Variants in PCDHGA12 observed in about 807,000 individuals in gnomAD.
PCDHGA12 encodes protocadherin gamma-A12.
Under a neutral mutation model 61.1 loss-of-function variants are expected in PCDHGA12, and 43 were observed. That is an observed-to-expected ratio of 0.70 (90% CI 0.55 to 0.91). PCDHGA12 has a LOEUF of 0.91. Ranked by LOEUF, PCDHGA12 falls within the 40% of genes least tolerant of loss-of-function variation. PCDHGA12 has a pLI of 0.00. For synonymous variants in PCDHGA12, 520 were observed against 542.9 expected (o/e 0.96, Z 0.59); for missense variants, 1,236 against 1,227.7 (o/e 1.01, Z -0.10).
chr5:141,452,494 T>C (rs1186924396), intron 1 of PCDHGA12, among the ~76,000 whole-genome samples: 2 of 152,192 alleles, frequency 1.3e-5, no homozygotes, highest in African/African-American at 4.8e-5. Flanking sequence ...CACACCCATA[T>C]TTATATTTGT....
intron 1 of PCDHGA12, among the ~76,000 whole-genome samples, chr5:141,450,832 T>TTATTA (rs764784095): frequency 5.6e-5 from 8 of 142,316 alleles, no homozygotes; most frequent in African/African-American, 2.2e-4. Context: ...TATTATTATT[T>TTATTA]TTTTTTTTTT....
In PCDHGA12 at chr5:141,494,832, G is replaced by A. The variant is rs758427900; in HGVS notation, c.2450G>A (p.Arg817His). The A allele has an allele frequency of 1.2e-6, 2 of 1,614,066 alleles. No homozygotes were observed. Among genetic ancestry groups the A allele is most frequent in the Non-Finnish European group, 1.7e-6 (2 of 1,179,994 alleles). The change falls in exon 2 of 4, where the codon CGT (arginine) becomes CAT (histidine). Residue 817 changes from arginine (R) to histidine (H), a missense_variant. Transcript: ENST00000252085. ...CAAGCCCCGCCCAACACGGACTGGC[G>A]TTTCTCTCAGGCCCAGAGACCCGGC... ...IEQAPPNTDW[R>H]FSQAQRPGTS...
At chr5:141,483,790 AGTT>A (rs963139644) in intron 1 of PCDHGA12, among the ~76,000 whole-genome samples, 14 of 152,290 alleles carry the variant, frequency 9.2e-5, no homozygotes, top group African/African-American at 3.4e-4. Flanking sequence ...TAAGAACTCC[AGTT>A]GTTGCTGCTT....
intron 1 of PCDHGA12, among the ~76,000 whole-genome samples, chr5:141,433,395 CTA>C (rs1426636882): frequency 1.1e-4 from 17 of 150,770 alleles, no homozygotes; most frequent in African/African-American, 4.1e-4. Flanking sequence ...ATCTATCTAT[CTA>C]TCTATCTATT....
intron 1 of PCDHGA12, among the ~76,000 whole-genome samples, chr5:141,470,068 G>A (rs1269966360): frequency 6.6e-6 from 1 of 152,240 alleles, no homozygotes; most frequent in East Asian, 1.9e-4. Flanking sequence ...GGCAGAGACT[G>A]TAGTGATCTG....
chr5:141,511,353 A>C lies in PCDHGA12; in HGVS notation c.*180A>C. ...AGTCAGCACCTACCCCTTCCCCCCC[A>C]GGGGGTTGAATATGCAAAAGCAGTT... On this transcript the variant is annotated 3_prime_UTR_variant, in exon 4 of 4. Transcript: ENST00000252085. 7.3e-7 allele frequency: 1 copy of C among 1,371,054 alleles called. No individual in the cohort carries two copies. Among genetic ancestry groups the C allele is most frequent in the Non-Finnish European group, 9.7e-7 (1 of 1,027,740 alleles). The allele number at this position is 1,371,054 out of a possible 1,614,324, so 84.9% of individuals were successfully genotyped here. A position where few individuals can be genotyped will look rare whatever the true frequency, so the allele number is the denominator to read the frequency against.
In PCDHGA12 at chr5:141,432,733, C is replaced by T; in HGVS notation, c.1974C>T (p.Val658=). 1 of 1,614,094 alleles carries T rather than the reference C, an allele frequency of 6.2e-7. No individual in the cohort carries two copies. Among genetic ancestry groups the T allele is most frequent in the Middle Eastern group, 1.6e-4 (1 of 6,062 alleles). ...GCCAGCCCCCTCTCTCCGCCACTGTCACGCTCACCGTGGCCGTGGCCGACA... is the reference window on the plus strand; with the variant it reads ...GCCAGCCCCCTCTCTCCGCCACTGTTACGCTCACCGTGGCCGTGGCCGACA... ...DHGQPPLSAT[V]TLTVAVADSI... The change falls in exon 1 of 4, where the codon GTC becomes GTT. Residue 658 remains valine (V), a synonymous_variant. Coordinates refer to ENST00000252085, the MANE Select transcript of PCDHGA12 (RefSeq NM_003735.3). The surrounding 1 kb of genome is among the most constrained non-coding windows in gnomAD (Gnocchi z 6.0).
In PCDHGA12 at chr5:141,490,410, T is replaced by C. The variant is rs2099699827; in HGVS notation, c.2425-4397T>C. ...ATGGTGAAGTGAGCCTTGATATCTC[T>C]CCGGACCTGCCATTTCAGATTAAGC... On this transcript the variant is annotated intron_variant, in intron 1 of 3. Coordinates refer to ENST00000252085, the MANE Select transcript of PCDHGA12 (RefSeq NM_003735.3). The surrounding 1 kb of genome is among the most constrained non-coding windows in gnomAD (Gnocchi z 5.4). 1 of 1,614,172 alleles carries C rather than the reference T, an allele frequency of 6.2e-7. No individual in the cohort carries two copies. Among genetic ancestry groups the C allele is most frequent in the Non-Finnish European group, 8.5e-7 (1 of 1,180,042 alleles).
intron 1 of PCDHGA12, among the ~76,000 whole-genome samples, chr5:141,455,095 A>G (rs910300076): frequency 2.6e-5 from 4 of 151,836 alleles, no homozygotes; most frequent in African/African-American, 9.7e-5. Flanking sequence ...TACAGGCTTG[A>G]GCCACTGCGC....
chr5:141,442,818 C>A (rs553817796), intron 1 of PCDHGA12, among the ~76,000 whole-genome samples: 1 of 151,882 alleles, frequency 6.6e-6, no homozygotes, highest in Non-Finnish European at 1.5e-5. Context: ...TGTACTGATC[C>A]AAAAATAAGG....
chr5:141,500,574 G>A (rs2099801457), intron 2 of PCDHGA12, among the ~76,000 whole-genome samples: 1 of 152,164 alleles, frequency 6.6e-6, no homozygotes, highest in African/African-American at 2.4e-5. Context: ...ACACTTTCAT[G>A]TGACACTTTA....
chr5:141,490,010 T>C lies in PCDHGA12; in HGVS notation c.2425-4797T>C, dbSNP rs749356078. On this transcript the variant is annotated intron_variant, in intron 1 of 3. Coordinates refer to ENST00000252085, the MANE Select transcript of PCDHGA12 (RefSeq NM_003735.3). The surrounding 1 kb of genome is among the most constrained non-coding windows in gnomAD (Gnocchi z 5.4). ...GTGGGAATCCCAGAGAATGCACCCA[T>C]TGGTACTCTGCTGCTCCGCCTCAAT... 11 of 1,614,198 alleles carry C rather than the reference T, an allele frequency of 6.8e-6. No homozygotes were observed. The highest frequency in any genetic ancestry group is 2.2e-5 in the South Asian group (2 of 91,082).
chr5:141,487,022 A>T lies in PCDHGA12; in HGVS notation c.2425-7785A>T. ...TCAGCTCCTGGAGGCCCCAGATCCC[A>T]GCCTGTTTGCAGTCTCTCGATATGC... On this transcript the variant is annotated intron_variant, in intron 1 of 3. Coordinates refer to ENST00000252085, the MANE Select transcript of PCDHGA12 (RefSeq NM_003735.3). The surrounding 1 kb of genome is among the most constrained non-coding windows in gnomAD (Gnocchi z 5.0). The T allele has an allele frequency of 1.2e-6, 2 of 1,614,212 alleles. No homozygotes were observed. Among genetic ancestry groups the T allele is most frequent in the Non-Finnish European group, 1.7e-6 (2 of 1,180,048 alleles).
At chr5:141,510,404 G>T (rs1596286932) in intron 3 of PCDHGA12, among the ~76,000 whole-genome samples, 2 of 152,252 alleles carry the variant, frequency 1.3e-5, no homozygotes, top group East Asian at 3.9e-4. Context: ...AAAGGCTAGG[G>T]GCATGTAAAG....
intron 1 of PCDHGA12, chr5:141,441,792 G>T: frequency 2.6e-6 from 1 of 389,292 alleles, no homozygotes; most frequent in Non-Finnish European, 5.1e-6. Context: ...GAATGACAAC[G>T]CACCGCGGGT....
At chr5:141,449,500 A>G (rs1034917703) in intron 1 of PCDHGA12, among the ~76,000 whole-genome samples, 6 of 151,300 alleles carry the variant, frequency 4.0e-5, no homozygotes, top group African/African-American at 1.5e-4. Flanking sequence ...GAGGCATGAG[A>G]AATGCTTGAA....
intron 2 of PCDHGA12, among the ~76,000 whole-genome samples, chr5:141,495,262 A>G (rs550950979): frequency 1.3e-5 from 2 of 152,246 alleles, no homozygotes; most frequent in South Asian, 2.1e-4. Flanking sequence ...GCAGAAAAGC[A>G]TTTGACCGGA....
In PCDHGA12 at chr5:141,485,068, T is replaced by C; in HGVS notation, c.2425-9739T>C. On this transcript the variant is annotated intron_variant, in intron 1 of 3. Transcript: ENST00000252085. The surrounding 1 kb of genome is among the most constrained non-coding windows in gnomAD (Gnocchi z 5.7). ...GGCGCCGGCCGAACCGCGCCAGAGCTGGCGCGGGGAAAGGGAGATAGGTGT... is the reference window on the plus strand; with the variant it reads ...GGCGCCGGCCGAACCGCGCCAGAGCCGGCGCGGGGAAAGGGAGATAGGTGT... 1 of 896,972 alleles carries C rather than the reference T, an allele frequency of 1.1e-6. No homozygotes were observed. The highest frequency in any genetic ancestry group is 1.6e-5 in the South Asian group (1 of 61,812). The allele number at this position is 896,972 out of a possible 1,614,324, so 55.6% of individuals were successfully genotyped here. A position where few individuals can be genotyped will look rare whatever the true frequency, so the allele number is the denominator to read the frequency against.
chr5:141,476,798 C>T lies in PCDHGA12; in HGVS notation c.2425-18009C>T. 3.1e-6 allele frequency: 5 copies of T among 1,613,660 alleles called. No homozygotes were observed. The highest frequency in any genetic ancestry group is 4.2e-6 in the Non-Finnish European group (5 of 1,180,028). ...AGGGACCCCAGCTCTCTCCGCCAGC[C>T]TGCCTATTCACATCAAGGTGCTGGA... On this transcript the variant is annotated intron_variant, in intron 1 of 3. Coordinates refer to ENST00000252085, the MANE Select transcript of PCDHGA12 (RefSeq NM_003735.3). This position sits in a 1 kb window ranked among gnomAD's most constrained non-coding sequence, Gnocchi z 7.6.
Sources: gnomAD v4.1 joint callset for allele counts (sites outside exome capture counted in the v4.1 genomes callset) on GRCh38, gnomAD v4.1.1 for gene constraint, Gnocchi (gnomAD v3.1) non-coding constraint, MANE v1.5 for transcripts, NCBI Gene and HGNC (gene_info 2026-07-23, HGNC 2026-07-21) for gene names.